The following MTARC1 variants were observed in gnomAD, a reference collection of about 807,000 sequenced individuals.
MTARC1 encodes mitochondrial amidoxime reducing component 1.
A neutral mutation model predicts 33.6 loss-of-function variants in MTARC1; 24 were observed. The ratio of observed to expected loss-of-function variants is 0.72; its 90% confidence interval spans 0.52 to 1.01. The LOEUF (loss-of-function observed/expected upper bound fraction) is 1.01, where lower values mean the gene tolerates loss of function less well. Among genes scored for constraint, MTARC1 ranks in the 50% least tolerant of loss-of-function variants. MTARC1 has a pLI of 0.00. For synonymous variants in MTARC1, 187 were observed against 189.5 expected, an observed-to-expected ratio of 0.99 and a Z score of 0.11; for missense variants, 417 against 445.7, an observed-to-expected ratio of 0.94 and a Z score of 0.58.
rs1673331558 is a variant in MTARC1 at position 220,818,969 on chromosome 1, A to AGC, written c.*5554_*5555dup. On this transcript the variant is annotated 3_prime_UTR_variant, in exon 7 of 7. Transcript: ENST00000366910. ...TAAACACATGAATAATTGATCGTCC[A>AGC]GCGCTCACATAGCTACCGCGGATCT... 1 of 152,176 alleles carries AGC rather than the reference A, an allele frequency of 6.6e-6. No homozygotes were observed. The highest frequency in any genetic ancestry group is 2.4e-5 in the African/African-American group (1 of 41,448). The allele number at this position is 152,176 out of a possible 1,614,324, so 9.4% of individuals were successfully genotyped here. A position where few individuals can be genotyped will look rare whatever the true frequency, so the allele number is the denominator to read the frequency against.
chr1:220,805,742 A>T (rs917578439), intron 6 of MTARC1, among the ~76,000 whole-genome samples: 2 of 152,232 alleles, frequency 1.3e-5, no homozygotes, highest in African/African-American at 4.8e-5. Context: ...AGTACATTTT[A>T]AAAATGTGTC....
At chr1:220,813,140 C>T (rs1297695994) in intron 6 of MTARC1, 152 bp from the exon 7 acceptor site, 2 of 967,390 alleles carry the variant, frequency 2.1e-6, no homozygotes, top group African/African-American at 3.2e-5. Flanking sequence ...GTTCACTGCC[C>T]CACTCCAGGA....
Position 220,787,088 on chromosome 1 carries a change from C to A in MTARC1, c.144C>A (p.Arg48=). 2 of 1,505,652 alleles carry A rather than the reference C, an allele frequency of 1.3e-6. No homozygotes were observed. Among genetic ancestry groups the A allele is most frequent in the Admixed American group, 2.3e-5 (1 of 44,372 alleles). 93.3% of individuals were successfully genotyped at this position (1,505,652 alleles called of 1,614,324 possible). Residue 48 remains arginine (R), a synonymous_variant, in exon 1 of 7, where the codon CGC becomes CGA. Transcript: ENST00000366910. Reference sequence around the variant, plus strand: ...GGCGCCGCGCATGGCCCACGCGGCGCCGGCGGCTGCTGCAGCAGGTGGGCA... The same window carrying A: ...GGCGCCGCGCATGGCCCACGCGGCGACGGCGGCTGCTGCAGCAGGTGGGCA... ...VAWRRAWPTR[R]RRLLQQVGTV...
chr1:220,791,242 CA>C, intron 1 of MTARC1: 1 of 344,856 alleles, frequency 2.9e-6, no homozygotes, highest in Non-Finnish European at 5.3e-6. Flanking sequence ...TCTGTGCCAT[CA>C]AAGAGCTCAA....
At chr1:220,791,734 T>G (rs2102586331) in intron 2 of MTARC1, 70 bp downstream of exon 2, 2 of 1,532,714 alleles carry the variant, frequency 1.3e-6, no homozygotes, top group Non-Finnish European at 1.8e-6. Flanking sequence ...GCATAAACTC[T>G]AGAGGGAATG....
At chr1:220,789,305 G>T (rs1672349285) in intron 1 of MTARC1, among the ~76,000 whole-genome samples, 1 of 152,170 alleles carries the variant, frequency 6.6e-6, no homozygotes, top group Non-Finnish European at 1.5e-5. Flanking sequence ...TGAGGATGGG[G>T]TATGCTAGGG....
chr1:220,806,359 G>T (rs1672973222), intron 6 of MTARC1, among the ~76,000 whole-genome samples: 1 of 152,182 alleles, frequency 6.6e-6, no homozygotes, highest in Non-Finnish European at 1.5e-5. Flanking sequence ...CTTTGGTCCT[G>T]ACTTGGCCTC....
chr1:220,803,050 A>G (rs1161548318), intron 4 of MTARC1, among the ~76,000 whole-genome samples: 1 of 152,138 alleles, frequency 6.6e-6, no homozygotes, highest in Non-Finnish European at 1.5e-5. Context: ...CAACTGTATT[A>G]GTTTATTTTC....
intron 6 of MTARC1, among the ~76,000 whole-genome samples, chr1:220,806,422 C>A (rs1056101907): frequency 6.6e-6 from 1 of 152,190 alleles, no homozygotes; most frequent in African/African-American, 2.4e-5. Context: ...GGAAGGAATG[C>A]AGTTGAGATG....
At chr1:220,805,329 A>G in intron 6 of MTARC1, 55 bp downstream of exon 6, 2 of 1,587,804 alleles carry the variant, frequency 1.3e-6, no homozygotes, top group Non-Finnish European at 1.7e-6. Context: ...GAACGGAAGC[A>G]ATATTTGTTG....
At chr1:220,804,249 C>T (rs1672899590) in intron 4 of MTARC1, among the ~76,000 whole-genome samples, 1 of 152,182 alleles carries the variant, frequency 6.6e-6, no homozygotes, top group Non-Finnish European at 1.5e-5. Context: ...ATAAAACTTC[C>T]TGTAACCAGA....
At chr1:220,794,441 C>T (rs1057154328) in intron 2 of MTARC1, 1 of 151,988 alleles carries the variant, frequency 6.6e-6, no homozygotes, top group African/African-American at 2.4e-5. Context: ...GCTAAGCCCC[C>T]CACATATATT....
intron 1 of MTARC1, among the ~76,000 whole-genome samples, chr1:220,788,921 A>C (rs530518171): frequency 1.3e-3 from 191 of 152,330 alleles, no homozygotes; most frequent in Middle Eastern, 6.8e-3. Flanking sequence ...TTTTGAGCTC[A>C]TATTACAATA....
At position 220,805,230 on chromosome 1, in the gene MTARC1, C is replaced by T; in HGVS notation, c.843C>T (p.Asp281=). The change falls in exon 6 of 7, where the codon GAC becomes GAT. Residue 281 remains aspartate, a synonymous_variant. Transcript: ENST00000366910. ...SRCILTTVDP[D]TGVMSRKEPL... is the part of the protein sequence containing the mutation. ...GCATTTTAACCACAGTGGACCCAGA[C>T]ACCGGTGTCATGAGCAGGAAGGAAC... 6.2e-7 allele frequency: 1 copy of T among 1,613,780 alleles called. No homozygotes were observed. Among genetic ancestry groups the T allele is most frequent in the South Asian group, 1.1e-5 (1 of 91,048 alleles).
chr1:220,799,164 G>A, intron 4 of MTARC1: 1 of 985,280 alleles, frequency 1.0e-6, no homozygotes, highest in Non-Finnish European at 1.2e-6. Context: ...AATCGATGGA[G>A]GATAATAAAA....
chr1:220,808,290 C>CG (rs1419440011), intron 6 of MTARC1, among the ~76,000 whole-genome samples: 2 of 152,116 alleles, frequency 1.3e-5, no homozygotes, highest in African/African-American at 4.8e-5. Flanking sequence ...GGTGGGAAGG[C>CG]GGGGGGCGCA....
At position 220,807,792 on chromosome 1, in the gene MTARC1, C is replaced by A. The variant is rs1024743437; in HGVS notation, c.887+2518C>A. 9.2e-5 allele frequency among the ~76,000 whole-genome samples: 14 copies of A among 152,048 alleles called. No homozygotes were observed. In the East Asian group the frequency reaches 9.7e-4, roughly 11 times the overall value. On this transcript the variant is annotated intron_variant, in intron 6 of 6. Coordinates refer to ENST00000366910, the MANE Select transcript of MTARC1 (RefSeq NM_022746.4). ...AGGGTTATAGCTATTCTTTGAAATG[C>A]GCTCACTCACCATCAGAACAAACCA...
At chr1:220,788,671 C>G (rs1672316476) in intron 1 of MTARC1, among the ~76,000 whole-genome samples, 1 of 151,858 alleles carries the variant, frequency 6.6e-6, no homozygotes, top group Admixed American at 6.6e-5. Flanking sequence ...CGCCTGTAGT[C>G]CCAGCTACTC....
At chr1:220,803,683 A>C (rs1672882752) in intron 4 of MTARC1, among the ~76,000 whole-genome samples, 1 of 144,424 alleles carries the variant, frequency 6.9e-6, no homozygotes, top group Non-Finnish European at 1.5e-5. Context: ...CTTATGACTC[A>C]ATCTCCAGTA....
Sources: gnomAD v4.1 joint callset for allele counts (sites outside exome capture counted in the v4.1 genomes callset) on GRCh38, gnomAD v4.1.1 for gene constraint, MANE v1.5 for transcripts, NCBI Gene and HGNC (gene_info 2026-07-23, HGNC 2026-07-21) for gene names.